TEAD4: variants seen among roughly 807,000 people sequenced by gnomAD.
TEAD4 encodes TEA domain transcription factor 4.
Under a neutral mutation model 52.4 loss-of-function variants are expected in TEAD4, and 36 were observed. That is an observed-to-expected ratio of 0.69 (90% CI 0.53 to 0.91). TEAD4 has a LOEUF of 0.91. Ranked by LOEUF, TEAD4 falls within the 40% of genes least tolerant of loss-of-function variation. The pLI, the probability that TEAD4 is intolerant of heterozygous loss-of-function variation, is 0.00. For missense variants in TEAD4, 508 were observed against 583.9 expected (o/e 0.87, Z 1.34); for synonymous variants, 220 against 231.0 (o/e 0.95, Z 0.43).
intron 10 of TEAD4, among the ~76,000 whole-genome samples, chr12:3,037,607 T>C (rs2098280204): frequency 6.6e-6 from 1 of 152,206 alleles, no homozygotes; most frequent in Non-Finnish European, 1.5e-5. Flanking sequence ...AGCTGACTGG[T>C]AGAGATTCAA....
chr12:2,991,516 G>C (rs928179996), intron 2 of TEAD4, among the ~76,000 whole-genome samples: 2 of 152,116 alleles, frequency 1.3e-5, no homozygotes, highest in African/African-American at 4.8e-5. Flanking sequence ...ACAAAAATCA[G>C]CTGGGTGTGG....
intron 2 of TEAD4, among the ~76,000 whole-genome samples, chr12:2,989,150 C>A (rs564956715): frequency 6.6e-6 from 1 of 152,112 alleles, no homozygotes; most frequent in African/African-American, 2.4e-5. Context: ...ACCGAGCCCC[C>A]ACCCTGTGGG....
In TEAD4 at chr12:2,991,483, G is replaced by A. The variant is rs2098242914; in HGVS notation, c.-29-3255G>A. On this transcript the variant is annotated intron_variant, in intron 2 of 12. Coordinates refer to ENST00000359864, the MANE Select transcript of TEAD4 (RefSeq NM_003213.4). ...TTGAGACCAGCCTGGCCAACGTGGC[G>A]AAACCCCGTCTCTACTAAAAATACA... Among the ~76,000 whole-genome samples, 3 of 152,070 alleles carry A rather than the reference G, an allele frequency of 2.0e-5. No individual in the cohort carries two copies. In the South Asian group the frequency reaches 6.2e-4, roughly 32 times the overall value.
intron 9 of TEAD4, among the ~76,000 whole-genome samples, chr12:3,021,368 T>C (rs1005242334): frequency 3.4e-4 from 50 of 149,130 alleles, no homozygotes; most frequent in African/African-American, 1.2e-3. Context: ...GGGAGTGCAG[T>C]GGCATGATCT....
At chr12:3,040,047 G>A (rs935789131) in intron 11 of TEAD4, 60 bp from the exon 12 acceptor site, 4 of 1,597,920 alleles carry the variant, frequency 2.5e-6, no homozygotes, top group Non-Finnish European at 2.6e-6. Flanking sequence ...GTGGAGTTGG[G>A]TCTGGGCTGG....
intron 8 of TEAD4, among the ~76,000 whole-genome samples, chr12:3,019,667 G>A (rs1019406321): frequency 1.3e-5 from 2 of 152,058 alleles, no homozygotes; most frequent in African/African-American, 2.4e-5. Context: ...CTCTGTCCTC[G>A]TCTCTTTCTC....
chr12:3,018,519 T>C, intron 6 of TEAD4, 26 bp from the exon 7 acceptor site: 1 of 1,614,052 alleles, frequency 6.2e-7, no homozygotes. Context: ...GGGGCCGTGC[T>C]GATTCCATGC....
At chr12:2,972,872 A>G (rs780746485) in intron 2 of TEAD4, among the ~76,000 whole-genome samples, 4 of 152,176 alleles carry the variant, frequency 2.6e-5, no homozygotes, top group Non-Finnish European at 5.9e-5. Context: ...ACAGCAAAAT[A>G]CAGTGTTTTT....
chr12:3,011,753 C>T (rs1261670393), intron 4 of TEAD4, among the ~76,000 whole-genome samples: 1 of 152,198 alleles, frequency 6.6e-6, no homozygotes, highest in African/African-American at 2.4e-5. Flanking sequence ...GCAACCTCCG[C>T]TTCCCAGGTT....
At chr12:3,036,511 G>A (rs2098279539) in intron 10 of TEAD4, among the ~76,000 whole-genome samples, 1 of 152,140 alleles carries the variant, frequency 6.6e-6, no homozygotes, top group African/African-American at 2.4e-5. Flanking sequence ...CCTTCCTGGG[G>A]TTCTAGGGAT....
At chr12:2,982,113 CCT>C (rs1188248772) in intron 2 of TEAD4, among the ~76,000 whole-genome samples, 2 of 152,094 alleles carry the variant, frequency 1.3e-5, no homozygotes, top group African/African-American at 2.4e-5. Flanking sequence ...CGGGGCAGGT[CCT>C]TTGCCCTCCC....
At chr12:2,973,510 G>A (rs1282410650) in intron 2 of TEAD4, among the ~76,000 whole-genome samples, 2 of 152,236 alleles carry the variant, frequency 1.3e-5, no homozygotes, top group Non-Finnish European at 2.9e-5. Context: ...TGAGGTGAGA[G>A]TTTGGTGTCC....
At chr12:3,001,702 G>A (rs1010757187) in intron 3 of TEAD4, among the ~76,000 whole-genome samples, 7 of 152,036 alleles carry the variant, frequency 4.6e-5, no homozygotes, top group African/African-American at 1.4e-4. Flanking sequence ...GCTTGAACCC[G>A]GGAGGCGGAG....
chr12:2,994,834 C>T lies in TEAD4; in HGVS notation c.68C>T (p.Thr23Ile), dbSNP rs780013542. Residue 23 changes from threonine (T) to isoleucine (I), a missense_variant, in exon 3 of 13, where the codon ACC becomes ATC. Coordinates refer to ENST00000359864, the MANE Select transcript of TEAD4 (RefSeq NM_003213.4). The surrounding 1 kb of genome is among the most constrained non-coding windows in gnomAD (Gnocchi z 4.7). ...TCTCCCACCTCCCCTGAGGGGAGCA[C>T]CGCCTCTGGGGGCAGTCAGGCACTG... is the stretch of plus-strand genomic sequence containing the variant. 24 of 1,613,936 alleles carry T rather than the reference C, an allele frequency of 1.5e-5. No homozygotes were observed. The highest frequency in any genetic ancestry group is 5.3e-5 in the African/African-American group (4 of 74,944).
intron 6 of TEAD4, 63 bp downstream of exon 6, chr12:3,017,589 A>C: frequency 6.5e-7 from 1 of 1,529,594 alleles, no homozygotes; most frequent in East Asian, 2.4e-5. Context: ...CTCCCTGTTC[A>C]GAAGAGCCAG....
intron 10 of TEAD4, among the ~76,000 whole-genome samples, chr12:3,031,697 G>C (rs549566584): frequency 6.6e-6 from 1 of 152,052 alleles, no homozygotes; most frequent in African/African-American, 2.4e-5. Flanking sequence ...ACAGTCACAC[G>C]TCTCATCCTC....
chr12:3,039,217 A>G (rs1000128262), intron 11 of TEAD4, among the ~76,000 whole-genome samples: 3 of 152,194 alleles, frequency 2.0e-5, no homozygotes, highest in African/African-American at 7.2e-5. Flanking sequence ...CTCAGTCTCT[A>G]GGGTAGAGTC....
chr12:3,011,030 A>G lies in TEAD4; in HGVS notation c.253A>G (p.Ile85Val), dbSNP rs2098259879. The change falls in exon 4 of 13, where the codon ATC (isoleucine) becomes GTC (valine). Residue 85 changes from isoleucine (I) to valine (V), a missense_variant. Coordinates refer to ENST00000359864, the MANE Select transcript of TEAD4 (RefSeq NM_003213.4). The stretch of plus-strand genomic sequence containing the variant: ...TCGGAACGAGCTGATTGCCCGCTAC[A>G]TCAAGCTCCGGACAGGGAAGACCCG... The G allele has an allele frequency of 1.9e-6, 3 of 1,614,092 alleles. No individual in the cohort carries two copies. The highest frequency in any genetic ancestry group is 2.5e-6 in the Non-Finnish European group (3 of 1,179,986).
At chr12:3,039,179 A>T (rs1157768008) in intron 11 of TEAD4, among the ~76,000 whole-genome samples, 1 of 152,146 alleles carries the variant, frequency 6.6e-6, no homozygotes, top group Admixed American at 6.5e-5. Context: ...TTGGAAACAC[A>T]CCAGTGCCTG....
Sources: gnomAD v4.1 joint callset for allele counts (sites outside exome capture counted in the v4.1 genomes callset) on GRCh38, gnomAD v4.1.1 for gene constraint, Gnocchi (gnomAD v3.1) non-coding constraint, MANE v1.5 for transcripts, NCBI Gene and HGNC (gene_info 2026-07-23, HGNC 2026-07-21) for gene names.